GUCY1A2: variants seen among roughly 807,000 people sequenced by gnomAD.
GUCY1A2 encodes the protein guanylate cyclase soluble subunit alpha-2.
A neutral mutation model predicts 63.5 loss-of-function variants in GUCY1A2; 27 were observed. The observed-to-expected ratio is 0.43, with a 90% CI of 0.31 to 0.59. The LOEUF (loss-of-function observed/expected upper bound fraction) is 0.59, where lower values mean the gene tolerates loss of function less well. GUCY1A2 is among the 20% of genes least tolerant of loss of function. The probability of loss-of-function intolerance (pLI) is 0.11; values close to 1 mark genes in which losing one functional copy is unlikely to be tolerated. For missense variants in GUCY1A2, 768 were observed against 913.3 expected (o/e 0.84, Z 2.05); for synonymous variants, 364 against 343.5 (o/e 1.06, Z -0.66).
chr11:106,960,386 T>G (rs774939319), intron 3 of GUCY1A2, among the ~76,000 whole-genome samples: 7 of 152,164 alleles, frequency 4.6e-5, no homozygotes, highest in Non-Finnish European at 1.0e-4. Flanking sequence ...CAGATTATTT[T>G]CTGTATTGTT....
intron 6 of GUCY1A2, among the ~76,000 whole-genome samples, chr11:106,731,322 G>T (rs536494206): frequency 4.2e-4 from 64 of 152,210 alleles, no homozygotes; most frequent in African/African-American, 1.5e-3. Context: ...AAAGGCTTTT[G>T]ATAAAATTCA....
intron 1 of GUCY1A2, among the ~76,000 whole-genome samples, chr11:107,004,085 T>G (rs1286049067): frequency 1.3e-5 from 2 of 152,096 alleles, no homozygotes; most frequent in Non-Finnish European, 1.5e-5. Flanking sequence ...AGGCAATATA[T>G]AGAGAGGACT....
intron 5 of GUCY1A2, among the ~76,000 whole-genome samples, chr11:106,792,854 CTATAA>C: frequency 6.6e-6 from 1 of 152,086 alleles, no homozygotes; most frequent in South Asian, 2.1e-4. Flanking sequence ...ACATTGAAAA[CTATAA>C]TATATTGATT....
chr11:106,794,188 G>A (rs1039623904), intron 5 of GUCY1A2, among the ~76,000 whole-genome samples: 3 of 151,776 alleles, frequency 2.0e-5, no homozygotes, highest in African/African-American at 7.3e-5. Flanking sequence ...ACAAAATCCT[G>A]CCATTTGTGG....
intron 4 of GUCY1A2, among the ~76,000 whole-genome samples, chr11:106,896,420 C>T (rs1860050470): frequency 6.6e-6 from 1 of 152,156 alleles, no homozygotes; most frequent in South Asian, 2.1e-4. Flanking sequence ...AATGTACCAT[C>T]TCACTACTCC....
intron 4 of GUCY1A2, among the ~76,000 whole-genome samples, chr11:106,886,972 C>G (rs577228646): frequency 6.6e-6 from 1 of 152,202 alleles, no homozygotes; most frequent in South Asian, 2.1e-4. Context: ...TGCCTTTGTA[C>G]AGAGAGGCAT....
chr11:106,708,636 G>C lies in GUCY1A2; in HGVS notation c.1867C>G (p.Leu623Val). The C allele has an allele frequency of 6.2e-7, 1 of 1,608,654 alleles. No homozygotes were observed. Among genetic ancestry groups the C allele is most frequent in the Non-Finnish European group, 8.5e-7 (1 of 1,176,854 alleles). The change falls in exon 7 of 8, where the codon CTG (leucine) becomes GTG (valine). Residue 623 changes from leucine (L) to valine (V), a missense_variant. Around this residue, in one of 3 missense-constraint regions of GUCY1A2, gnomAD observed 150 missense variants for 188.3 expected, o/e 0.80. Transcript: ENST00000526355. ...MRIGIHSGSV[L>V]AGVVGVRMPR... ...ATTCGCACCCCAACAACTCCAGCCA[G>C]CACGGAGCCTGAGTGAATTCCTATC...
chr11:106,943,290 T>C (rs919517524), intron 3 of GUCY1A2, among the ~76,000 whole-genome samples: 4 of 152,184 alleles, frequency 2.6e-5, no homozygotes, highest in African/African-American at 9.7e-5. Flanking sequence ...GTAAATCATT[T>C]GAAACATATA....
chr11:106,907,582 A>C (rs942851303), intron 4 of GUCY1A2, among the ~76,000 whole-genome samples: 6 of 151,294 alleles, frequency 4.0e-5, no homozygotes, highest in Non-Finnish European at 7.4e-5. Context: ...CAGTCCCCAG[A>C]GTGTGATGTT....
chr11:106,689,117 T>C (rs1359152450), intron 7 of GUCY1A2, among the ~76,000 whole-genome samples: 2 of 152,134 alleles, frequency 1.3e-5, no homozygotes, highest in African/African-American at 4.8e-5. Flanking sequence ...GAATAAAGGA[T>C]GTGTGAACAG....
At chr11:106,900,443 C>T (rs140909355) in intron 4 of GUCY1A2, among the ~76,000 whole-genome samples, 4 of 152,292 alleles carry the variant, frequency 2.6e-5, no homozygotes, top group Non-Finnish European at 5.9e-5. Context: ...CAGGCATGAG[C>T]CACCTCTCCC....
intron 3 of GUCY1A2, among the ~76,000 whole-genome samples, chr11:106,942,342 C>T (rs1860762715): frequency 6.6e-6 from 1 of 152,148 alleles, no homozygotes; most frequent in Admixed American, 6.6e-5. Context: ...ACTAAAACTT[C>T]TTTCTATGCC....
At chr11:106,773,098 CTAT>C (rs1344626252) in intron 6 of GUCY1A2, among the ~76,000 whole-genome samples, 11 of 151,694 alleles carry the variant, frequency 7.3e-5, no homozygotes, top group Admixed American at 6.6e-4. Flanking sequence ...AAATTTTATA[CTAT>C]GTTTATCTTC....
intron 4 of GUCY1A2, among the ~76,000 whole-genome samples, chr11:106,901,698 C>T (rs988855076): frequency 1.5e-4 from 22 of 147,632 alleles, no homozygotes; most frequent in Middle Eastern, 3.2e-3. Flanking sequence ...CAAGTGTTCT[C>T]ATTGTTCAAT....
At chr11:106,909,481 G>A (rs1256555662) in intron 4 of GUCY1A2, among the ~76,000 whole-genome samples, 1 of 151,152 alleles carries the variant, frequency 6.6e-6, no homozygotes, top group Non-Finnish European at 1.5e-5. Flanking sequence ...TTACCAAAGA[G>A]TCCTGGTGTT....
intron 1 of GUCY1A2, among the ~76,000 whole-genome samples, chr11:107,011,478 C>T (rs1861743107): frequency 6.8e-6 from 1 of 148,114 alleles, no homozygotes. Context: ...ATAAACTATA[C>T]ACTAAAAAGG....
intron 4 of GUCY1A2, among the ~76,000 whole-genome samples, chr11:106,855,893 T>TTTTCTTTA (rs536833371): frequency 1.2e-3 from 109 of 94,432 alleles, no homozygotes; most frequent in African/African-American, 3.7e-3. Context: ...GTCTCTTGTA[T>TTTTCTTTA]TTTATTTATT....
At chr11:106,903,932 A>G (rs1449944050) in intron 4 of GUCY1A2, among the ~76,000 whole-genome samples, 1 of 152,178 alleles carries the variant, frequency 6.6e-6, no homozygotes, top group Non-Finnish European at 1.5e-5. Context: ...TATTTTTCCA[A>G]TCCAGCTCCT....
chr11:106,744,410 C>A (rs2135380793), intron 6 of GUCY1A2, among the ~76,000 whole-genome samples: 1 of 152,170 alleles, frequency 6.6e-6, no homozygotes, highest in South Asian at 2.1e-4. Flanking sequence ...CCACACCCGG[C>A]TAATTTTTGT....
Sources: allele counts gnomAD v4.1 joint callset (sites outside exome capture counted in the v4.1 genomes callset), GRCh38; gene constraint gnomAD v4.1.1; regional missense constraint gnomAD v4.1.1; transcripts MANE v1.5; gene names NCBI Gene and HGNC (gene_info 2026-07-23, HGNC 2026-07-21).